NTRK2: variants seen among roughly 807,000 people sequenced by gnomAD.
NTRK2 encodes the protein BDNF/NT-3 growth factors receptor.
Under a neutral mutation model 94.5 loss-of-function variants are expected in NTRK2, and 13 were observed. The ratio of observed to expected loss-of-function variants is 0.14; its 90% CI spans 0.09 to 0.22. NTRK2 has a LOEUF of 0.22. NTRK2 is among the 10% of genes least tolerant of loss of function. The pLI is 1.00. For missense variants in NTRK2, 639 were observed against 1,071.2 expected (o/e 0.60, Z 5.63); for synonymous variants, 372 against 407.4 (o/e 0.91, Z 1.05).
intron 14 of NTRK2, among the ~76,000 whole-genome samples, chr9:84,885,332 G>A (rs539098200): frequency 6.6e-6 from 1 of 152,246 alleles, no homozygotes; most frequent in East Asian, 1.9e-4. Context: ...TCACGAGATC[G>A]AGACCCTGAA....
chr9:84,871,513 A>G (rs2075865662), intron 14 of NTRK2, among the ~76,000 whole-genome samples: 2 of 152,354 alleles, frequency 1.3e-5, no homozygotes, highest in South Asian at 4.1e-4. Flanking sequence ...TGGTTTGTCC[A>G]GAGTGACACA....
Position 84,708,008 on chromosome 9 carries a change from T to C in NTRK2, c.428+96T>C, listed in dbSNP as rs554263990. On this transcript the variant is annotated intron_variant, in intron 5 of 18. Coordinates refer to ENST00000277120, the MANE Select transcript of NTRK2 (RefSeq NM_006180.6). ...TAATGAGTGATGTTGCAGATCTATTTTTATACCAAATTCTCAAAAAATGAT... is the reference window on the plus strand; with the variant it reads ...TAATGAGTGATGTTGCAGATCTATTCTTATACCAAATTCTCAAAAAATGAT... The C allele has an allele frequency of 1.7e-4, 158 of 948,924 alleles. 2 individuals are homozygous for C. The South Asian group carries it at 1.9e-3, about 12-fold the overall frequency. The allele number at this position is 948,924 out of a possible 1,614,324, so 58.8% of individuals were successfully genotyped here.
intron 12 of NTRK2, among the ~76,000 whole-genome samples, chr9:84,782,553 A>C (rs546688749): frequency 5.4e-4 from 83 of 152,334 alleles, no homozygotes; most frequent in Admixed American, 9.1e-4. Flanking sequence ...TGAAAAAAAC[A>C]AATAATCAAG....
rs1036080134 is a variant in NTRK2, at chr9:84,681,336, C to T, written c.212+10376C>T. 2.6e-5 allele frequency among the ~76,000 whole-genome samples: 4 copies of T among 152,210 alleles called. No individual in the cohort carries two copies. The East Asian group carries it at 7.7e-4, about 29-fold the overall frequency. On this transcript the variant is annotated intron_variant, in intron 2 of 18. Coordinates refer to ENST00000277120, the MANE Select transcript of NTRK2 (RefSeq NM_006180.6). ...CAGTAATACAAGCCACAAACCGTGA[C>T]TCTTCCTTCTCTGTAACCCCTACAC...
chr9:84,895,938 C>G (rs893088634), intron 14 of NTRK2, among the ~76,000 whole-genome samples: 1 of 152,248 alleles, frequency 6.6e-6, no homozygotes, highest in Non-Finnish European at 1.5e-5. Context: ...TATTCACTTG[C>G]AGAGGCCTAT....
intron 14 of NTRK2, among the ~76,000 whole-genome samples, chr9:84,933,931 A>G (rs998601558): frequency 4.6e-5 from 7 of 152,186 alleles, no homozygotes; most frequent in African/African-American, 1.7e-4. Context: ...CTAGGTATCT[A>G]CTTTAGTTTT....
intron 16 of NTRK2, among the ~76,000 whole-genome samples, chr9:84,954,668 G>T (rs1823884507): frequency 6.6e-6 from 1 of 152,178 alleles, no homozygotes; most frequent in Admixed American, 6.5e-5. Context: ...TGTTGAACTG[G>T]GCTTGAGAGA....
At chr9:84,855,723 G>A (rs2075033199) in intron 12 of NTRK2, among the ~76,000 whole-genome samples, 1 of 152,066 alleles carries the variant, frequency 6.6e-6, no homozygotes, top group East Asian at 1.9e-4. Context: ...AGCATCATTG[G>A]CCCTCTGGTA....
intron 2 of NTRK2, among the ~76,000 whole-genome samples, chr9:84,699,867 CT>C (rs2060617236): frequency 6.6e-6 from 1 of 151,420 alleles, no homozygotes; most frequent in East Asian, 1.9e-4. Context: ...TCGTTGTATT[CT>C]ATTGAATAAA....
At chr9:84,956,071 G>A (rs1433111878) in intron 17 of NTRK2, among the ~76,000 whole-genome samples, 1 of 152,200 alleles carries the variant, frequency 6.6e-6, no homozygotes, top group African/African-American at 2.4e-5. Flanking sequence ...GGAATTCCTG[G>A]TGAGGTTAAA....
intron 12 of NTRK2, among the ~76,000 whole-genome samples, chr9:84,805,565 T>A (rs1205780344): frequency 6.6e-6 from 1 of 152,262 alleles, no homozygotes; most frequent in Non-Finnish European, 1.5e-5. Flanking sequence ...AAGCAGTAGA[T>A]CCTGCATTGT....
chr9:84,672,070 G>A (rs145895363), intron 2 of NTRK2, among the ~76,000 whole-genome samples: 1 of 152,318 alleles, frequency 6.6e-6, no homozygotes, highest in African/African-American at 2.4e-5. Flanking sequence ...GGCTTGGGCT[G>A]TGGCCTTCCG....
intron 17 of NTRK2, among the ~76,000 whole-genome samples, chr9:84,969,284 C>T (rs1468434275): frequency 6.6e-6 from 1 of 152,212 alleles, no homozygotes; most frequent in Non-Finnish European, 1.5e-5. Flanking sequence ...AACGATCACT[C>T]GCTTACCTTT....
Position 84,945,754 on chromosome 9 carries a change from G to A in NTRK2, c.1765-2708G>A, listed in dbSNP as rs532960297. 1.4e-3 allele frequency among the ~76,000 whole-genome samples: 212 copies of A among 152,262 alleles called. 1 individual carries two copies. The highest frequency in any genetic ancestry group is 4.9e-3 in the African/African-American group (203 of 41,550). ...TTTGTTATTTAATGAAGGAATGTGC[G>A]GTTTCTATGGCAACAGCCCCATCGA... On this transcript the variant is annotated intron_variant, in intron 15 of 18. Coordinates refer to ENST00000277120, the MANE Select transcript of NTRK2 (RefSeq NM_006180.6).
intron 4 of NTRK2, among the ~76,000 whole-genome samples, chr9:84,704,396 T>TA (rs936276161): frequency 8.3e-6 from 1 of 121,094 alleles, no homozygotes; most frequent in Non-Finnish European, 1.8e-5. Context: ...GCCAGGCTAA[T>TA]TTTTTTTTTT....
chr9:84,974,264 CTG>C (rs1328985361), intron 17 of NTRK2, among the ~76,000 whole-genome samples: 1 of 152,194 alleles, frequency 6.6e-6, no homozygotes, highest in Non-Finnish European at 1.5e-5. Flanking sequence ...CTAATATTAC[CTG>C]TGTAGAGCCA....
At chr9:84,896,425 T>C (rs1442292794) in intron 14 of NTRK2, among the ~76,000 whole-genome samples, 1 of 152,156 alleles carries the variant, frequency 6.6e-6, no homozygotes, top group African/African-American at 2.4e-5. Flanking sequence ...TGGAAGCACA[T>C]TTTTTCCTCC....
At chr9:84,794,344 G>T (rs961699217) in intron 12 of NTRK2, among the ~76,000 whole-genome samples, 1 of 152,216 alleles carries the variant, frequency 6.6e-6, no homozygotes, top group African/African-American at 2.4e-5. Context: ...ATGGACAGGG[G>T]CATAGGTTGC....
chr9:84,924,295 G>GAA lies in NTRK2; in HGVS notation c.1634-9866_1634-9865insAA, dbSNP rs1340172014. On this transcript the variant is annotated intron_variant, in intron 14 of 18. Coordinates refer to ENST00000277120, the MANE Select transcript of NTRK2 (RefSeq NM_006180.6). The stretch of plus-strand genomic sequence containing the variant: ...AGAAAGAAAGAAAGAAAGAAAGAAA[G>GAA]AGGAAAAAAAGGAGGTTTATGCACA... Among the ~76,000 whole-genome samples, 11 of 147,820 alleles carry GAA rather than the reference G, an allele frequency of 7.4e-5. No homozygotes were observed. In the South Asian group the frequency reaches 1.1e-3, roughly 15 times the overall value.
Sources: gnomAD v4.1 joint callset for allele counts (sites outside exome capture counted in the v4.1 genomes callset) on GRCh38, gnomAD v4.1.1 for gene constraint, MANE v1.5 for transcripts, NCBI Gene and HGNC (gene_info 2026-07-23, HGNC 2026-07-21) for gene names.